Variants in APBA1 observed in about 807,000 individuals in gnomAD.
APBA1 encodes amyloid-beta A4 precursor protein-binding family A member 1.
Under a neutral mutation model 86.6 loss-of-function variants are expected in APBA1, and 55 were observed. That is an observed-to-expected ratio of 0.64 (90% CI 0.51 to 0.80). The LOEUF is 0.80. Ranked by LOEUF, APBA1 falls within the 30% of genes least tolerant of loss-of-function variation. The pLI, the probability that APBA1 is intolerant of heterozygous loss-of-function variation, is 0.00. For synonymous variants in APBA1, 511 were observed against 493.9 expected, an observed-to-expected ratio of 1.03 and a Z score of -0.46; for missense variants, 1,090 against 1,183.0, an observed-to-expected ratio of 0.92 and a Z score of 1.15.
intron 9 of APBA1, among the ~76,000 whole-genome samples, chr9:69,450,245 A>G (rs911235556): frequency 6.6e-6 from 1 of 152,108 alleles, no homozygotes; most frequent in Non-Finnish European, 1.5e-5. Context: ...TTAAAAATAA[A>G]TAAACACACA....
chr9:69,483,165 A>T (rs1183283378), intron 2 of APBA1, among the ~76,000 whole-genome samples: 1 of 139,110 alleles, frequency 7.2e-6, no homozygotes, highest in African/African-American at 2.7e-5. Flanking sequence ...AACAAAAAAA[A>T]AAAAAAAGAA....
chr9:69,456,774 T>A (rs190750351), intron 7 of APBA1, among the ~76,000 whole-genome samples: 1 of 152,292 alleles, frequency 6.6e-6, no homozygotes, highest in East Asian at 1.9e-4. Flanking sequence ...TAAATAAAAT[T>A]TCTTAAAAGA....
intron 2 of APBA1, among the ~76,000 whole-genome samples, chr9:69,510,006 G>A (rs1836004003): frequency 8.5e-6 from 1 of 117,176 alleles, no homozygotes; most frequent in African/African-American, 3.6e-5. Flanking sequence ...TTTGAAAACT[G>A]GCACAAGACA....
intron 2 of APBA1, among the ~76,000 whole-genome samples, chr9:69,496,762 T>C (rs1483251976): frequency 1.3e-5 from 2 of 152,020 alleles, no homozygotes; most frequent in East Asian, 3.9e-4. Context: ...AGAGAGAAAA[T>C]CTTGGGGTGT....
At chr9:69,560,741 A>G (rs576213862) in intron 1 of APBA1, among the ~76,000 whole-genome samples, 1 of 152,282 alleles carries the variant, frequency 6.6e-6, no homozygotes, top group African/African-American at 2.4e-5. Context: ...TTAACAGTTG[A>G]GCATCCCTAA....
intron 1 of APBA1, among the ~76,000 whole-genome samples, chr9:69,572,048 A>C (rs1030915209): frequency 2.6e-5 from 4 of 152,208 alleles, no homozygotes; most frequent in Non-Finnish European, 5.9e-5. Flanking sequence ...GGGCAGTCCA[A>C]GATAGTGCTG....
At chr9:69,595,773 C>A (rs1240224402) in intron 1 of APBA1, among the ~76,000 whole-genome samples, 3 of 152,126 alleles carry the variant, frequency 2.0e-5, no homozygotes, top group African/African-American at 4.8e-5. Flanking sequence ...CAACAATTAT[C>A]CTAATTGCAG....
At chr9:69,540,125 A>ACAACAACAG (rs1554698958) in intron 1 of APBA1, among the ~76,000 whole-genome samples, 1 of 128,014 alleles carries the variant, frequency 7.8e-6, no homozygotes, top group African/African-American at 3.2e-5. Flanking sequence ...CATCTCGGCA[A>ACAACAACAG]CAACAACAAC....
intron 1 of APBA1, among the ~76,000 whole-genome samples, chr9:69,576,699 C>A (rs1302444655): frequency 6.6e-6 from 1 of 152,028 alleles, no homozygotes; most frequent in African/African-American, 2.4e-5. Context: ...CACACCGGGG[C>A]CTGTTGTGGG....
chr9:69,527,836 C>A (rs1032582298), intron 1 of APBA1, among the ~76,000 whole-genome samples: 1 of 152,110 alleles, frequency 6.6e-6, no homozygotes, highest in Admixed American at 6.5e-5. Flanking sequence ...ACCAGCAAAT[C>A]ACTTTCAATA....
intron 11 of APBA1, among the ~76,000 whole-genome samples, chr9:69,435,282 T>C (rs1201299970): frequency 9.9e-5 from 15 of 152,162 alleles, no homozygotes; most frequent in Non-Finnish European, 2.1e-4. Flanking sequence ...TGCAGCAGCA[T>C]GATTTATAGT....
chr9:69,672,445 G>T (rs1477058015), upstream of APBA1: 2 of 150,708 alleles, frequency 1.3e-5, no homozygotes, highest in African/African-American at 2.4e-5. Context: ...GCGCGCTGGG[G>T]CCGGGCGGGC....
At chr9:69,521,461 G>T (rs1417271970) in intron 1 of APBA1, among the ~76,000 whole-genome samples, 1 of 152,092 alleles carries the variant, frequency 6.6e-6, no homozygotes, top group East Asian at 1.9e-4. Context: ...AGGCACATTC[G>T]AGGCACTGGG....
intron 1 of APBA1, among the ~76,000 whole-genome samples, chr9:69,617,256 A>C (rs2133986597): frequency 6.6e-6 from 1 of 152,238 alleles, no homozygotes; most frequent in African/African-American, 2.4e-5. Context: ...TTCCCACTGC[A>C]ATGCCTATTA....
At chr9:69,581,011 G>C (rs1488148992) in intron 1 of APBA1, among the ~76,000 whole-genome samples, 1 of 152,110 alleles carries the variant, frequency 6.6e-6, no homozygotes, top group Non-Finnish European at 1.5e-5. Flanking sequence ...TTTATAGCCA[G>C]TCATTTCCTG....
At chr9:69,634,621 A>C (rs1379867210) in intron 1 of APBA1, among the ~76,000 whole-genome samples, 4 of 152,202 alleles carry the variant, frequency 2.6e-5, no homozygotes. Context: ...AAGTATAAGA[A>C]GGTAAAAAAC....
intron 1 of APBA1, among the ~76,000 whole-genome samples, chr9:69,590,272 T>A (rs921118976): frequency 6.6e-6 from 1 of 152,228 alleles, no homozygotes; most frequent in Non-Finnish European, 1.5e-5. Flanking sequence ...TCCTGGCAGA[T>A]CCAGCGAGGT....
chr9:69,442,835 G>C (rs1049400499), intron 10 of APBA1, among the ~76,000 whole-genome samples: 1 of 152,202 alleles, frequency 6.6e-6, no homozygotes, highest in African/African-American at 2.4e-5. Context: ...TAAAGATGAA[G>C]ACATAGACAC....
At chr9:69,514,327 A>C (rs575973720) in intron 2 of APBA1, among the ~76,000 whole-genome samples, 1 of 152,348 alleles carries the variant, frequency 6.6e-6, no homozygotes, top group African/African-American at 2.4e-5. Flanking sequence ...GTGGTGTTTC[A>C]CATCTGTAAT....
Sources: allele counts gnomAD v4.1 joint callset (sites outside exome capture counted in the v4.1 genomes callset), GRCh38; gene constraint gnomAD v4.1.1; transcripts MANE v1.5; gene names NCBI Gene and HGNC (gene_info 2026-07-23, HGNC 2026-07-21).